The following NPAS3 variants were observed in gnomAD, a reference collection of about 807,000 sequenced individuals.
NPAS3 encodes neuronal PAS domain protein 3.
NPAS3 carries 14 observed loss-of-function variants against 73.1 expected under a neutral mutation model. That is an observed-to-expected ratio of 0.19 (90% CI 0.13 to 0.30). The LOEUF (loss-of-function observed/expected upper bound fraction) is 0.30. Ranked by LOEUF, NPAS3 falls within the 10% of genes least tolerant of loss-of-function variation. The pLI is 1.00. For missense variants in NPAS3, 1,096 were observed against 1,250.0 expected, an observed-to-expected ratio of 0.88 and a Z score of 1.86; for synonymous variants, 620 against 541.5, an observed-to-expected ratio of 1.14 and a Z score of -2.01.
chr14:33,273,696 A>C (rs1485652365), intron 3 of NPAS3, among the ~76,000 whole-genome samples: 1 of 152,190 alleles, frequency 6.6e-6, no homozygotes, highest in African/African-American at 2.4e-5. Context: ...AAACTCATTA[A>C]AAATGATAGA....
intron 1 of NPAS3, among the ~76,000 whole-genome samples, chr14:33,045,850 A>G (rs1438014884): frequency 3.9e-5 from 6 of 152,198 alleles, no homozygotes. Flanking sequence ...ATTAAACGAG[A>G]AGGAAACCAG....
chr14:33,786,139 G>A (rs2063166044), intron 9 of NPAS3, among the ~76,000 whole-genome samples: 1 of 152,172 alleles, frequency 6.6e-6, no homozygotes, highest in Admixed American at 6.5e-5. Context: ...TTTAGGAGGA[G>A]GCCATCAAAC....
At chr14:33,006,948 G>T (rs2039020155) in intron 1 of NPAS3, among the ~76,000 whole-genome samples, 1 of 152,134 alleles carries the variant, frequency 6.6e-6, no homozygotes, top group Non-Finnish European at 1.5e-5. Context: ...ATAAGTGGTA[G>T]AATCTATTAG....
At chr14:33,721,450 A>G (rs2061107874) in intron 6 of NPAS3, among the ~76,000 whole-genome samples, 1 of 152,184 alleles carries the variant, frequency 6.6e-6, no homozygotes, top group South Asian at 2.1e-4. Flanking sequence ...TTTAAAGACT[A>G]TGACTTGTGA....
In NPAS3 at chr14:33,543,979, A is replaced by C. The variant is rs1189040899; in HGVS notation, c.469-16142A>C. On this transcript the variant is annotated intron_variant, in intron 4 of 11. Transcript: ENST00000356141. ...TATATATATATATATATATATATATATATATATATATATATATATATATCT... is the reference window on the plus strand; with the variant it reads ...TATATATATATATATATATATATATCTATATATATATATATATATATATCT... Among the ~76,000 whole-genome samples the C allele has an allele frequency of 5.2e-3, 194 of 36,994 alleles. 5 individuals are homozygous for C. Among genetic ancestry groups the C allele is most frequent in the African/African-American group, 0.04 (170 of 4,284 alleles). 24.3% of individuals were successfully genotyped at this position (36,994 alleles called of 152,430 possible).
chr14:33,738,844 C>A (rs1260254440), intron 7 of NPAS3, among the ~76,000 whole-genome samples: 1 of 152,158 alleles, frequency 6.6e-6, no homozygotes, highest in Non-Finnish European at 1.5e-5. Flanking sequence ...ATTCTGCCTT[C>A]TTGATTAGGT....
At chr14:33,246,321 C>T (rs920346662) in intron 3 of NPAS3, among the ~76,000 whole-genome samples, 29 of 152,060 alleles carry the variant, frequency 1.9e-4, no homozygotes, top group Admixed American at 8.5e-4. Flanking sequence ...GGGCGGATCA[C>T]GAGGTCAGGA....
At chr14:33,627,508 ATAGTTGAAGACTTTTCAGCTTT>A (rs1339917077) in intron 5 of NPAS3, among the ~76,000 whole-genome samples, 4 of 152,170 alleles carry the variant, frequency 2.6e-5, no homozygotes, top group Non-Finnish European at 4.4e-5. Flanking sequence ...TCCTCACGTA[ATAGTTGAAGACTTTTCAGCTTT>A]TAGTTGAAGA....
intron 3 of NPAS3, among the ~76,000 whole-genome samples, chr14:33,217,494 T>C (rs796609361): frequency 6.6e-6 from 1 of 152,166 alleles, no homozygotes. Flanking sequence ...GTGAAAAACA[T>C]GTAATAATTA....
chr14:33,401,338 C>T (rs1265045584), intron 4 of NPAS3, among the ~76,000 whole-genome samples: 8 of 152,134 alleles, frequency 5.3e-5, no homozygotes, highest in Admixed American at 5.2e-4. Flanking sequence ...ATCTCAGTAA[C>T]TCCAAATAGC....
chr14:33,656,429 A>T (rs1241871474), intron 5 of NPAS3, among the ~76,000 whole-genome samples: 6 of 152,208 alleles, frequency 3.9e-5, no homozygotes, highest in Admixed American at 1.3e-4. Context: ...GAGAAGATGG[A>T]GGCTTACAGT....
chr14:32,993,109 C>T (rs961174741), intron 1 of NPAS3, among the ~76,000 whole-genome samples: 1 of 149,336 alleles, frequency 6.7e-6, no homozygotes, highest in Non-Finnish European at 1.5e-5. Context: ...TAGATTGTAC[C>T]ATTGCACTCC....
intron 3 of NPAS3, among the ~76,000 whole-genome samples, chr14:33,305,318 G>A (rs906692813): frequency 9.2e-5 from 14 of 151,956 alleles, no homozygotes; most frequent in African/African-American, 3.4e-4. Context: ...TAATTTATCT[G>A]CCAAATTCGC....
chr14:33,059,305 A>T (rs2041004974), intron 2 of NPAS3, among the ~76,000 whole-genome samples: 1 of 152,228 alleles, frequency 6.6e-6, no homozygotes, highest in Admixed American at 6.5e-5. Flanking sequence ...AATTGTTTCA[A>T]TAATGAAAGT....
intron 1 of NPAS3, among the ~76,000 whole-genome samples, chr14:33,003,588 A>C (rs1393350744): frequency 6.6e-6 from 1 of 152,226 alleles, no homozygotes; most frequent in Non-Finnish European, 1.5e-5. Context: ...AGAAAGGACT[A>C]TAACACCATC....
intron 7 of NPAS3, among the ~76,000 whole-genome samples, chr14:33,759,692 C>G (rs1050398998): frequency 2.0e-5 from 3 of 152,122 alleles, no homozygotes; most frequent in African/African-American, 7.2e-5. Flanking sequence ...GCTGCGTAGT[C>G]TTTATAACTA....
chr14:33,310,024 T>C lies in NPAS3; in HGVS notation c.386-57162T>C, dbSNP rs932310674. ...TGATCCAGTTTGTTTTCACCTTTAC[T>C]ACTGTAAGAAGAAAGAAAGAAATGT... On this transcript the variant is annotated intron_variant, in intron 3 of 11. Coordinates refer to ENST00000356141, the Ensembl canonical transcript of NPAS3. 4.6e-5 allele frequency among the ~76,000 whole-genome samples: 7 copies of C among 152,288 alleles called. No homozygotes were observed. The East Asian group carries it at 1.4e-3, about 29-fold the overall frequency.
At chr14:33,279,103 C>A (rs1445337275) in intron 3 of NPAS3, among the ~76,000 whole-genome samples, 1 of 152,128 alleles carries the variant, frequency 6.6e-6, no homozygotes, top group East Asian at 1.9e-4. Flanking sequence ...TTCTGGGTCC[C>A]ACCCTCAGGG....
chr14:33,144,792 C>T (rs943058794), intron 2 of NPAS3, among the ~76,000 whole-genome samples: 8 of 152,052 alleles, frequency 5.3e-5, no homozygotes, highest in African/African-American at 1.7e-4. Flanking sequence ...GGGAGTCTTG[C>T]TGCATTGCCC....
Sources: allele counts gnomAD v4.1 joint callset (sites outside exome capture counted in the v4.1 genomes callset), GRCh38; gene constraint gnomAD v4.1.1; transcripts MANE v1.5; gene names NCBI Gene and HGNC (gene_info 2026-07-23, HGNC 2026-07-21).